RIMS2: variants seen among roughly 807,000 people sequenced by gnomAD.
The protein encoded by RIMS2 is regulating synaptic membrane exocytosis protein 2.
Under a neutral mutation model 174.4 loss-of-function variants are expected in RIMS2, and 59 were observed. The ratio of observed to expected loss-of-function variants is 0.34; its 90% confidence interval spans 0.27 to 0.42. The LOEUF (loss-of-function observed/expected upper bound fraction) is 0.42. RIMS2 is among the 10% of genes least tolerant of loss of function. The pLI, the probability that RIMS2 is intolerant of heterozygous loss-of-function variation, is 1.00. For missense variants in RIMS2, 1,620 were observed against 1,666.3 expected, an observed-to-expected ratio of 0.97 and a Z score of 0.48; for synonymous variants, 606 against 572.5, an observed-to-expected ratio of 1.06 and a Z score of -0.84.
At chr8:103,615,993 A>G (rs1200710029) in intron 1 of RIMS2, among the ~76,000 whole-genome samples, 1 of 152,212 alleles carries the variant, frequency 6.6e-6, no homozygotes, top group East Asian at 1.9e-4. Flanking sequence ...AAAATCGAGG[A>G]GAAGGGACAT....
chr8:104,058,510 T>C (rs902647595), intron 19 of RIMS2, among the ~76,000 whole-genome samples: 5 of 149,560 alleles, frequency 3.3e-5, no homozygotes, highest in Non-Finnish European at 5.9e-5. Flanking sequence ...TTCTCCCATG[T>C]TGTAGGTTGC....
intron 11 of RIMS2, among the ~76,000 whole-genome samples, chr8:103,930,888 A>C (rs917862827): frequency 6.6e-6 from 1 of 152,126 alleles, no homozygotes; most frequent in Non-Finnish European, 1.5e-5. Context: ...CATTTTGAGC[A>C]CTTATTCTGA....
chr8:103,509,649 G>A (rs1028394243), intron 1 of RIMS2, among the ~76,000 whole-genome samples: 2 of 151,976 alleles, frequency 1.3e-5, no homozygotes, highest in Admixed American at 1.3e-4. Context: ...AAATTTTATT[G>A]GGTTTTGTGA....
chr8:103,726,753 G>A (rs959038520), intron 2 of RIMS2, among the ~76,000 whole-genome samples: 1 of 147,600 alleles, frequency 6.8e-6, no homozygotes, highest in Non-Finnish European at 1.5e-5. Context: ...ATATTTTTGA[G>A]ACAGAGTCTC....
intron 10 of RIMS2, among the ~76,000 whole-genome samples, chr8:103,927,415 A>G (rs980371962): frequency 6.6e-6 from 1 of 151,504 alleles, no homozygotes; most frequent in African/African-American, 2.4e-5. Flanking sequence ...ATGGCTTTTC[A>G]CTAATGACTC....
chr8:103,600,932 T>A (rs2094705922), intron 1 of RIMS2, among the ~76,000 whole-genome samples: 1 of 152,250 alleles, frequency 6.6e-6, no homozygotes, highest in Non-Finnish European at 1.5e-5. Context: ...TGATTTGTAT[T>A]TCTCTGATGA....
In RIMS2 at chr8:103,580,825, CTTTT is replaced by C. The variant is rs61559970; in HGVS notation, c.176+79782_176+79785del. 8.1e-3 allele frequency among the ~76,000 whole-genome samples: 916 copies of C among 113,452 alleles called. 5 individuals are homozygous for C. The highest frequency in any genetic ancestry group is 0.029 in the African/African-American group (844 of 28,784). 74.4% of individuals were successfully genotyped at this position (113,452 alleles called of 152,430 possible). A position where few individuals can be genotyped will look rare whatever the true frequency, so the allele number is the denominator to read the frequency against. ...AAAGAAACTGAAGAGAAAGGGAATA[CTTTT>C]TTTTTTTTTTTTTTTTTTGAGACAG... On this transcript the variant is annotated intron_variant, in intron 1 of 23. Coordinates refer to ENST00000504942, the Ensembl canonical transcript of RIMS2.
At chr8:103,961,942 T>C (rs185298970) in intron 15 of RIMS2, among the ~76,000 whole-genome samples, 198 of 152,094 alleles carry the variant, frequency 1.3e-3, no homozygotes, top group Non-Finnish European at 2.5e-3. Flanking sequence ...GTACTAAGGG[T>C]GAACAATATA....
chr8:103,953,983 A>G (rs2086286115), intron 14 of RIMS2, among the ~76,000 whole-genome samples: 1 of 152,188 alleles, frequency 6.6e-6, no homozygotes, highest in Non-Finnish European at 1.5e-5. Flanking sequence ...ACTTTAAACC[A>G]ACAAAGATCA....
intron 16 of RIMS2, chr8:103,976,151 T>A (rs2093402005): frequency 6.6e-6 from 1 of 152,174 alleles, no homozygotes; most frequent in African/African-American, 2.4e-5. Flanking sequence ...TTATCACATA[T>A]CGGTAATAAT....
intron 14 of RIMS2, among the ~76,000 whole-genome samples, chr8:103,951,715 T>G (rs994156833): frequency 7.2e-5 from 11 of 152,136 alleles, no homozygotes; most frequent in Non-Finnish European, 1.5e-5. Context: ...GTTTTGCTTT[T>G]CATACTCCAG....
At chr8:103,635,642 G>T (rs764020981) in intron 1 of RIMS2, among the ~76,000 whole-genome samples, 1 of 152,236 alleles carries the variant, frequency 6.6e-6, no homozygotes, top group African/African-American at 2.4e-5. Context: ...AAAGACACCT[G>T]CAGGAAGTGG....
chr8:103,773,863 TAGTG>T (rs776268519), intron 3 of RIMS2, among the ~76,000 whole-genome samples: 5 of 152,166 alleles, frequency 3.3e-5, no homozygotes, highest in Non-Finnish European at 7.3e-5. Flanking sequence ...AATATCTTGC[TAGTG>T]AAAGTATAAA....
At chr8:103,662,117 C>T (rs1199275824) in intron 1 of RIMS2, among the ~76,000 whole-genome samples, 1 of 152,190 alleles carries the variant, frequency 6.6e-6, no homozygotes, top group Non-Finnish European at 1.5e-5. Context: ...TTCCAAAAAT[C>T]TTATAATACT....
At chr8:104,083,826 A>G in intron 19 of RIMS2, among the ~76,000 whole-genome samples, 1 of 152,146 alleles carries the variant, frequency 6.6e-6, no homozygotes, top group East Asian at 1.9e-4. Context: ...TGAGGCAGAT[A>G]TTTCAGATGA....
intron 1 of RIMS2, among the ~76,000 whole-genome samples, chr8:103,503,982 G>C (rs909263793): frequency 3.3e-5 from 5 of 152,046 alleles, no homozygotes; most frequent in African/African-American, 1.2e-4. Context: ...CACATAGGAA[G>C]TCTATCATCA....
At chr8:103,542,857 G>C (rs1445887571) in intron 1 of RIMS2, among the ~76,000 whole-genome samples, 1 of 152,120 alleles carries the variant, frequency 6.6e-6, no homozygotes, top group Non-Finnish European at 1.5e-5. Flanking sequence ...AAGTTAGGTA[G>C]AGAAAGAATG....
intron 15 of RIMS2, among the ~76,000 whole-genome samples, chr8:103,969,229 T>A (rs1053626206): frequency 6.6e-6 from 1 of 152,106 alleles, no homozygotes; most frequent in South Asian, 2.1e-4. Flanking sequence ...GTGGCTTGGT[T>A]CCTGACATTA....
At chr8:104,054,898 G>A in intron 19 of RIMS2, among the ~76,000 whole-genome samples, 1 of 152,114 alleles carries the variant, frequency 6.6e-6, no homozygotes, top group African/African-American at 2.4e-5. Context: ...TAACATCATT[G>A]AAAATATGAA....
Sources: gnomAD v4.1 joint callset for allele counts (sites outside exome capture counted in the v4.1 genomes callset) on GRCh38, gnomAD v4.1.1 for gene constraint, MANE v1.5 for transcripts, NCBI Gene and HGNC (gene_info 2026-07-23, HGNC 2026-07-21) for gene names.